Variants in TTC28 observed in about 807,000 individuals in gnomAD.
TTC28 encodes the protein tetratricopeptide repeat domain 28, also known as tetratricopeptide repeat protein 28.
Under a neutral mutation model 198.0 loss-of-function variants are expected in TTC28, and 61 were observed. The ratio of observed to expected loss-of-function variants is 0.31; its 90% CI spans 0.25 to 0.38. The LOEUF (loss-of-function observed/expected upper bound fraction) is 0.38, where lower values mean the gene tolerates loss of function less well. Among genes scored for constraint, TTC28 ranks in the 10% least tolerant of loss-of-function variants. The pLI is 1.00. For synonymous variants in TTC28, 1,171 were observed against 1,297.8 expected, an observed-to-expected ratio of 0.90 and a Z score of 2.10; for missense variants, 2,678 against 3,164.0, an observed-to-expected ratio of 0.85 and a Z score of 3.69.
At chr22:28,214,003 A>T (rs1569202294) in intron 5 of TTC28, among the ~76,000 whole-genome samples, 1 of 152,196 alleles carries the variant, frequency 6.6e-6, no homozygotes. Context: ...GATCTTTGAC[A>T]AAACTGACAA....
chr22:27,985,338 A>G lies in TTC28; in HGVS notation c.5726T>C (p.Val1909Ala), dbSNP rs574557756. 32 of 1,551,266 alleles carry G rather than the reference A, an allele frequency of 2.1e-5. No individual in the cohort carries two copies. The East Asian group carries it at 5.1e-4, about 25-fold the overall frequency. Residue 1909 changes from valine (V) to alanine (A), a missense_variant, in exon 22 of 23, where the codon GTT (valine) becomes GCT (alanine). Physicochemically the swap from Val to Ala is moderately conservative, Grantham distance 64. Coordinates refer to ENST00000397906, the MANE Select transcript of TTC28 (RefSeq NM_001145418.2). ...TTTCAGGATTACTTCCTCCTGACCA[A>G]CTTCACAGAGATCAAAACCTAGAGG... ...LAALGFDLCE[V>A]GQEEVILKTG...
At chr22:28,591,028 CACACACACACACATATAT>C (rs1205865031) in intron 2 of TTC28, among the ~76,000 whole-genome samples, 911 of 76,884 alleles carry the variant, frequency 0.012, 1 homozygote, top group Middle Eastern at 0.024. Context: ...CACACACACA[CACACACACACACATATAT>C]ATATATATAT....
At chr22:28,140,855 T>G (rs1433609710) in intron 6 of TTC28, among the ~76,000 whole-genome samples, 1 of 151,958 alleles carries the variant, frequency 6.6e-6, no homozygotes, top group African/African-American at 2.4e-5. Flanking sequence ...GAAAATATAG[T>G]TACTGTAAAT....
At chr22:28,450,881 G>T (rs2047768567) in intron 2 of TTC28, among the ~76,000 whole-genome samples, 2 of 152,170 alleles carry the variant, frequency 1.3e-5, no homozygotes, top group Admixed American at 1.3e-4. Context: ...CAAAACGAAT[G>T]ACATGAGCCC....
rs1013956969 is a variant in TTC28, at chr22:28,384,913, G to C, written c.382-78270C>G. ...CCCAGCACTTTGGGAGGCCGGGGAC[G>C]GGGGGGATCATCTGAGGTCAGGAGT... is the stretch of plus-strand genomic sequence containing the variant. On this transcript the variant is annotated intron_variant, in intron 2 of 22. Coordinates refer to ENST00000397906, the MANE Select transcript of TTC28 (RefSeq NM_001145418.2). 4.6e-5 allele frequency among the ~76,000 whole-genome samples: 7 copies of C among 151,810 alleles called. 1 individual carries two copies. The highest frequency in any genetic ancestry group is 6.3e-3 in the Middle Eastern group (2 of 316).
chr22:28,013,669 G>A (rs1230883921), intron 14 of TTC28, among the ~76,000 whole-genome samples: 2 of 152,168 alleles, frequency 1.3e-5, no homozygotes, highest in Non-Finnish European at 2.9e-5. Flanking sequence ...GAGGTGGGGA[G>A]GTGGGGAAGC....
chr22:28,538,986 G>A (rs909811190), intron 2 of TTC28, among the ~76,000 whole-genome samples: 2 of 152,112 alleles, frequency 1.3e-5, no homozygotes, highest in East Asian at 3.8e-4. Context: ...AAATAACTGA[G>A]GTAGATTCAC....
intron 5 of TTC28, among the ~76,000 whole-genome samples, chr22:28,270,115 T>C (rs979580276): frequency 3.9e-5 from 6 of 152,096 alleles, no homozygotes; most frequent in African/African-American, 1.4e-4. Flanking sequence ...CGTGGCTGCA[T>C]CACAGCTTGG....
rs1021576942 is a variant in TTC28 at position 27,979,470 on chromosome 22, ACT to A, written c.*2749_*2750del. On this transcript the variant is annotated 3_prime_UTR_variant, in exon 23 of 23. Coordinates refer to ENST00000397906, the MANE Select transcript of TTC28 (RefSeq NM_001145418.2). ...ACTCTATCCTGGGTGACAGAGCGAG[ACT>A]CTGTCTCAAAAAAAAAAAAAAAGGC... 3 of 140,794 alleles carry A rather than the reference ACT, an allele frequency of 2.1e-5. No individual in the cohort carries two copies. Among genetic ancestry groups the A allele is most frequent in the East Asian group, 4.1e-4 (2 of 4,842 alleles). 8.7% of individuals were successfully genotyped at this position (140,794 alleles called of 1,614,324 possible). A position where few individuals can be genotyped will look rare whatever the true frequency, so the allele number is the denominator to read the frequency against.
chr22:28,318,946 G>C (rs1313065718), intron 2 of TTC28, among the ~76,000 whole-genome samples: 3 of 148,006 alleles, frequency 2.0e-5, no homozygotes, highest in African/African-American at 7.5e-5. Context: ...AGCCTTGCAA[G>C]TAGTTAGGAC....
chr22:28,575,524 T>A (rs1205097203), intron 2 of TTC28, among the ~76,000 whole-genome samples: 1 of 152,078 alleles, frequency 6.6e-6, no homozygotes, highest in Non-Finnish European at 1.5e-5. Context: ...ATTTTAGGAG[T>A]ATTTTTTCTA....
At chr22:28,085,574 C>T (rs1941555871) in intron 12 of TTC28, among the ~76,000 whole-genome samples, 1 of 152,268 alleles carries the variant, frequency 6.6e-6, no homozygotes, top group Middle Eastern at 3.4e-3. Flanking sequence ...ACTGTAAAGA[C>T]CATCGAGGCT....
At chr22:28,363,919 T>C (rs2046200784) in intron 2 of TTC28, among the ~76,000 whole-genome samples, 1 of 152,188 alleles carries the variant, frequency 6.6e-6, no homozygotes, top group African/African-American at 2.4e-5. Context: ...TTGCTTTTGA[T>C]TTTACAGGCT....
chr22:28,670,758 G>A (rs1377946848), intron 1 of TTC28, among the ~76,000 whole-genome samples: 1 of 144,982 alleles, frequency 6.9e-6, no homozygotes, highest in Non-Finnish European at 1.5e-5. Flanking sequence ...GCAAGTCTAT[G>A]TTTAACATTT....
chr22:27,990,656 G>C, intron 20 of TTC28, 133 bp downstream of exon 20: 2 of 792,368 alleles, frequency 2.5e-6, no homozygotes, highest in East Asian at 5.7e-5. Flanking sequence ...GCGCACCCGC[G>C]GGGGCGCCGC....
At chr22:28,655,071 T>G (rs1350711293) in intron 1 of TTC28, among the ~76,000 whole-genome samples, 2 of 152,252 alleles carry the variant, frequency 1.3e-5, no homozygotes, top group Non-Finnish European at 2.9e-5. Flanking sequence ...TAAGGTTTAT[T>G]CATATGTATT....
chr22:28,336,628 A>C (rs2045724790), intron 2 of TTC28, among the ~76,000 whole-genome samples: 1 of 151,330 alleles, frequency 6.6e-6, no homozygotes, highest in African/African-American at 2.4e-5. Context: ...ATTTGCGTAG[A>C]GGTGGTTTAT....
intron 13 of TTC28, among the ~76,000 whole-genome samples, chr22:28,021,894 T>G (rs557331071): frequency 6.6e-6 from 1 of 152,138 alleles, no homozygotes; most frequent in Non-Finnish European, 1.5e-5. Flanking sequence ...TAAACTGATA[T>G]GGGGCATCTT....
rs572689005 is a variant in TTC28, at chr22:28,492,227, G to A, written c.381+137325C>T. Among the ~76,000 whole-genome samples the A allele has an allele frequency of 1.4e-4, 21 of 152,022 alleles. No individual in the cohort carries two copies. In the South Asian group the frequency reaches 2.5e-3, roughly 18 times the overall value. ...GTACACATATGTAACAAACCTGCAC[G>A]TTGTGCACATGTACCCTAAAACTTA... On this transcript the variant is annotated intron_variant, in intron 2 of 22. Coordinates refer to ENST00000397906, the MANE Select transcript of TTC28 (RefSeq NM_001145418.2).
Sources: allele counts gnomAD v4.1 joint callset (sites outside exome capture counted in the v4.1 genomes callset), GRCh38; gene constraint gnomAD v4.1.1; transcripts MANE v1.5; gene names NCBI Gene and HGNC (gene_info 2026-07-23, HGNC 2026-07-21).